The following WIPF3 variants were observed in gnomAD, a reference collection of about 807,000 sequenced individuals.
WIPF3 encodes WAS/WASL interacting protein family member 3, also known as WAS/WASL-interacting protein family member 3.
WIPF3 carries 33 observed loss-of-function variants against 38.9 expected under a neutral mutation model. That is an observed-to-expected ratio of 0.85 (90% CI 0.64 to 1.14). The LOEUF (loss-of-function observed/expected upper bound fraction) is 1.14, where lower values mean the gene tolerates loss of function less well. Among genes scored for constraint, WIPF3 ranks in the 50% most tolerant of loss-of-function variants. WIPF3 has a pLI of 0.00. For synonymous variants in WIPF3, 324 were observed against 269.3 expected (o/e 1.20, Z -1.99); for missense variants, 711 against 652.5 (o/e 1.09, Z -0.98).
chr7:29,822,123 G>GTTTTTTTTTTTTT, intron 1 of WIPF3, among the ~76,000 whole-genome samples: 1 of 62,872 alleles, frequency 1.6e-5, no homozygotes, highest in African/African-American at 7.0e-5. Context: ...TTTTTTCTTA[G>GTTTTTTTTTTTTT]TTTTTTTTTT....
At chr7:29,892,541 C>A (rs1562788443) in intron 7 of WIPF3, among the ~76,000 whole-genome samples, 1 of 152,242 alleles carries the variant, frequency 6.6e-6, no homozygotes, top group African/African-American at 2.4e-5. Flanking sequence ...TGGCACTGTT[C>A]TAGGTGCTTT....
intron 1 of WIPF3, among the ~76,000 whole-genome samples, chr7:29,810,842 G>A (rs1332189884): frequency 6.6e-6 from 1 of 152,092 alleles, no homozygotes; most frequent in African/African-American, 2.4e-5. Flanking sequence ...AGAAAATGAG[G>A]ATAATAATAG....
intron 1 of WIPF3, among the ~76,000 whole-genome samples, chr7:29,822,107 C>G (rs1481006156): frequency 1.5e-5 from 2 of 136,232 alleles, no homozygotes; most frequent in Admixed American, 1.5e-4. Context: ...CTATTCCTTT[C>G]CTTACTTTTT....
intron 5 of WIPF3, among the ~76,000 whole-genome samples, chr7:29,887,574 C>A (rs1785909187): frequency 6.6e-6 from 1 of 152,182 alleles, no homozygotes. Context: ...GCTGGAGAAC[C>A]AGTGTGAGCA....
In WIPF3 at chr7:29,878,530, A is replaced by T. The variant is rs951057371; in HGVS notation, c.224-479A>T. On this transcript the variant is annotated intron_variant, in intron 3 of 8. Coordinates refer to ENST00000242140, the MANE Select transcript of WIPF3 (RefSeq NM_001080529.3). This position sits in a 1 kb window ranked among gnomAD's most constrained non-coding sequence, Gnocchi z 4.0. ...GAAACTGCCAGGGCACAGTCATGGC[A>T]GGCTTTACCTCCTGCCTGCTGTTCT... 9.2e-5 allele frequency among the ~76,000 whole-genome samples: 14 copies of T among 152,204 alleles called. No individual in the cohort carries two copies. The highest frequency in any genetic ancestry group is 3.1e-4 in the African/African-American group (13 of 41,452).
At chr7:29,899,667 A>G (rs1191862902) in intron 7 of WIPF3, among the ~76,000 whole-genome samples, 1 of 152,264 alleles carries the variant, frequency 6.6e-6, no homozygotes, top group Non-Finnish European at 1.5e-5. Flanking sequence ...AGGCAGAGCC[A>G]CACAATGGAA....
At chr7:29,863,428 C>T (rs969782638) in intron 2 of WIPF3, among the ~76,000 whole-genome samples, 5 of 152,196 alleles carry the variant, frequency 3.3e-5, no homozygotes, top group Non-Finnish European at 5.9e-5. Flanking sequence ...ACATAAATCT[C>T]TATTTCTCTA....
intron 7 of WIPF3, among the ~76,000 whole-genome samples, chr7:29,899,317 C>G (rs1447446934): frequency 3.3e-5 from 5 of 152,216 alleles, no homozygotes; most frequent in African/African-American, 1.2e-4. Context: ...CCCTGACTAC[C>G]CTGTATAAGA....
rs958506901 is a variant in WIPF3, at chr7:29,878,772, G to T, written c.224-237G>T. Among the ~76,000 whole-genome samples, 1 of 152,172 alleles carries T rather than the reference G, an allele frequency of 6.6e-6. No individual in the cohort carries two copies. Among genetic ancestry groups the T allele is most frequent in the Non-Finnish European group, 1.5e-5 (1 of 68,028 alleles). ...GTTTTGGTCACTTTTCAGGGGAGCT[G>T]GGCACAGATGGTTAGTTCTTTGGTA... On this transcript the variant is annotated intron_variant, in intron 3 of 8. Coordinates refer to ENST00000242140, the MANE Select transcript of WIPF3 (RefSeq NM_001080529.3). This position sits in a 1 kb window ranked among gnomAD's most constrained non-coding sequence, Gnocchi z 4.0.
At chr7:29,833,452 T>C (rs1292690361) in intron 1 of WIPF3, among the ~76,000 whole-genome samples, 1 of 152,248 alleles carries the variant, frequency 6.6e-6, no homozygotes, top group African/African-American at 2.4e-5. Flanking sequence ...AAAATGGGGA[T>C]GCTAGGGCGT....
rs1400211286 is a variant in WIPF3 at position 29,884,497 on chromosome 7, G to A, written c.1003G>A (p.Ala335Thr). The A allele has an allele frequency of 6.4e-7, 1 of 1,574,578 alleles. No homozygotes were observed. Among genetic ancestry groups the A allele is most frequent in the Non-Finnish European group, 8.6e-7 (1 of 1,161,858 alleles). ...ACCCCCTAAATCCCCCAGCTTCCAG[G>A]CCCCACCGCAGAAGGCCGGTGCGCA... is the stretch of plus-strand genomic sequence containing the variant. ...PLPPKSPSFQ[A>T]PPQKAGAQAL... Residue 335 changes from alanine (A) to threonine (T), a missense_variant, in exon 5 of 9, where the codon GCC (alanine) becomes ACC (threonine). Ala to Thr is a moderately conservative substitution (Grantham distance 58, BLOSUM62 0). Coordinates refer to ENST00000242140, the MANE Select transcript of WIPF3 (RefSeq NM_001080529.3).
chr7:29,866,314 C>T (rs962359927), intron 2 of WIPF3, among the ~76,000 whole-genome samples: 1 of 152,196 alleles, frequency 6.6e-6, no homozygotes, highest in Non-Finnish European at 1.5e-5. Context: ...TTCATAACCA[C>T]TATTATTTTA....
intron 2 of WIPF3, among the ~76,000 whole-genome samples, chr7:29,841,813 A>G (rs1562775233): frequency 6.6e-6 from 1 of 152,242 alleles, no homozygotes; most frequent in African/African-American, 2.4e-5. Context: ...AATAATAAAT[A>G]AAAAATAAAA....
intron 7 of WIPF3, among the ~76,000 whole-genome samples, chr7:29,899,077 G>A (rs914279151): frequency 7.2e-5 from 11 of 152,082 alleles, no homozygotes; most frequent in Non-Finnish European, 1.2e-4. Context: ...GCTTGCAGAG[G>A]GCTACCTTCT....
intron 7 of WIPF3, among the ~76,000 whole-genome samples, chr7:29,890,671 C>T (rs144846320): frequency 6.6e-6 from 1 of 152,314 alleles, no homozygotes; most frequent in Non-Finnish European, 1.5e-5. Context: ...GGAATGCAGG[C>T]CTGCCGTGTG....
intron 2 of WIPF3, among the ~76,000 whole-genome samples, chr7:29,872,622 T>A (rs1405655792): frequency 6.7e-6 from 1 of 150,268 alleles, no homozygotes; most frequent in Non-Finnish European, 1.5e-5. Flanking sequence ...TAAAACCCCG[T>A]CTCTACTAAA....
chr7:29,883,786 CCT>C, intron 4 of WIPF3, 62 bp from the exon 5 acceptor site: 1 of 1,501,772 alleles, frequency 6.7e-7, no homozygotes, highest in Non-Finnish European at 8.9e-7. Flanking sequence ...CTGAGTGCCG[CCT>C]ACCTGCGGGG....
At chr7:29,857,113 G>T (rs965551776) in intron 2 of WIPF3, among the ~76,000 whole-genome samples, 3 of 152,190 alleles carry the variant, frequency 2.0e-5, no homozygotes, top group African/African-American at 7.2e-5. Context: ...GATGAGAATG[G>T]CTGCCCTCCT....
intron 1 of WIPF3, among the ~76,000 whole-genome samples, chr7:29,822,123 G>GTGTTTTTTTTTTTTTTTTTT (rs1554341889): frequency 3.2e-5 from 2 of 62,876 alleles, no homozygotes; most frequent in African/African-American, 1.4e-4. Context: ...TTTTTTCTTA[G>GTGTTTTTTTTTTTTTTTTTT]TTTTTTTTTT....
Sources: gnomAD v4.1 joint callset for allele counts (sites outside exome capture counted in the v4.1 genomes callset) on GRCh38, gnomAD v4.1.1 for gene constraint, Gnocchi (gnomAD v3.1) non-coding constraint, MANE v1.5 for transcripts, NCBI Gene and HGNC (gene_info 2026-07-23, HGNC 2026-07-21) for gene names.